The following PCDHA12 variants were observed in gnomAD, a reference collection of about 807,000 sequenced individuals.
PCDHA12 encodes protocadherin alpha-12.
In PCDHA12, 44 loss-of-function variants were observed where a neutral mutation model predicts 60.0. That is an observed-to-expected ratio of 0.73 (90% CI 0.58 to 0.94). The LOEUF (loss-of-function observed/expected upper bound fraction) is 0.94. Among genes scored for constraint, PCDHA12 ranks in the 40% least tolerant of loss-of-function variants. PCDHA12 has a pLI of 0.00. For missense variants in PCDHA12, 1,276 were observed against 1,239.7 expected (o/e 1.03, Z -0.44); for synonymous variants, 569 against 553.0 (o/e 1.03, Z -0.40).
At chr5:140,968,317 A>T (rs144335538) in intron 1 of PCDHA12, 17,308 of 1,614,002 alleles carry the variant, frequency 0.011, 130 homozygotes, top group Non-Finnish European at 0.013. Flanking sequence ...AAGGGCTGCC[A>T]GTCACCTCCT....
In PCDHA12 at chr5:140,928,627, T is replaced by G. The variant is rs782634688; in HGVS notation, c.2368-50322T>G. The G allele has an allele frequency of 1.5e-5, 24 of 1,614,220 alleles. No homozygotes were observed. The highest frequency in any genetic ancestry group is 1.9e-5 in the Non-Finnish European group (23 of 1,180,026). On this transcript the variant is annotated intron_variant, in intron 1 of 3. Transcript: ENST00000398631. ...GCCCCGCTCTGCCAGGACTGGACAC[T>G]TGGTCACAAAAGTGGTAGCAGAGGA...
chr5:140,938,560 C>T (rs2092118397), intron 1 of PCDHA12, among the ~76,000 whole-genome samples: 1 of 143,272 alleles, frequency 7.0e-6, no homozygotes, highest in Non-Finnish European at 1.5e-5. Flanking sequence ...TTATTAATAG[C>T]ATGCATTATA....
intron 1 of PCDHA12, among the ~76,000 whole-genome samples, chr5:140,940,491 C>A (rs1554213409): frequency 6.6e-6 from 1 of 151,752 alleles, no homozygotes; most frequent in Admixed American, 6.6e-5. Context: ...CAAGACAAGT[C>A]TTGCTCCGTC....
chr5:140,947,754 G>A (rs1295200380), intron 1 of PCDHA12, among the ~76,000 whole-genome samples: 2 of 151,334 alleles, frequency 1.3e-5, no homozygotes, highest in African/African-American at 2.4e-5. Flanking sequence ...TGTATTTTAT[G>A]GTTTAAAAAA....
chr5:140,891,426 C>A lies in PCDHA12; in HGVS notation c.2367+13587C>A, dbSNP rs76102230. On this transcript the variant is annotated intron_variant, in intron 1 of 3. Transcript: ENST00000398631. ...CCACCCCCCACTCTTGCCCCCAAGTCCCCAACGTCCATTGTATAGGATTTT... is the reference window on the plus strand; with the variant it reads ...CCACCCCCCACTCTTGCCCCCAAGTACCCAACGTCCATTGTATAGGATTTT... Among the ~76,000 whole-genome samples, 774 of 148,652 alleles carry A rather than the reference C, an allele frequency of 5.2e-3. 4 individuals are homozygous for A. Among genetic ancestry groups the A allele is most frequent in the African/African-American group, 0.018 (747 of 40,514 alleles).
At chr5:140,988,093 G>C (rs17119334) in intron 3 of PCDHA12, among the ~76,000 whole-genome samples, 1 of 152,036 alleles carries the variant, frequency 6.6e-6, no homozygotes, top group Non-Finnish European at 1.5e-5. Flanking sequence ...GTGCAGCCTC[G>C]GGCCTTGTTG....
At position 141,011,699 on chromosome 5, in the gene PCDHA12, A is replaced by G. The variant is rs537913184; in HGVS notation, c.*1762A>G. 6.5e-6 allele frequency: 1 copy of G among 153,890 alleles called. No homozygotes were observed. Among genetic ancestry groups the G allele is most frequent in the African/African-American group, 2.4e-5 (1 of 41,578 alleles). 9.5% of individuals were successfully genotyped at this position (153,890 alleles called of 1,614,324 possible). A position where few individuals can be genotyped will look rare whatever the true frequency, so the allele number is the denominator to read the frequency against. ...TTGTTCTAGTAACAATTTTGGAATG[A>G]ATACTGACAATATTCCATGAGGGTG... On this transcript the variant is annotated 3_prime_UTR_variant, in exon 4 of 4. Coordinates refer to ENST00000398631, the MANE Select transcript of PCDHA12 (RefSeq NM_018903.4).
intron 1 of PCDHA12, among the ~76,000 whole-genome samples, chr5:140,898,910 C>G (rs1313149642): frequency 6.6e-6 from 1 of 152,040 alleles, no homozygotes; most frequent in African/African-American, 2.4e-5. Context: ...CTTCACGTCC[C>G]TTGTAAGTTG....
chr5:140,929,071 T>C, intron 1 of PCDHA12: 1 of 1,614,122 alleles, frequency 6.2e-7, no homozygotes, highest in South Asian at 1.1e-5. Flanking sequence ...GGATCTGAGG[T>C]ATGGAAGTAA....
intron 1 of PCDHA12, among the ~76,000 whole-genome samples, chr5:140,958,384 C>G (rs1352428582): frequency 6.6e-6 from 1 of 152,098 alleles, no homozygotes; most frequent in Non-Finnish European, 1.5e-5. Context: ...ATTTTCTTAA[C>G]AGGTCATCAA....
intron 1 of PCDHA12, chr5:140,968,978 G>A: frequency 1.9e-6 from 3 of 1,614,212 alleles, no homozygotes; most frequent in Non-Finnish European, 1.7e-6. Flanking sequence ...CACTGCGTAT[G>A]GCACTGCATG....
At chr5:141,006,412 A>G (rs1423476125) in intron 3 of PCDHA12, among the ~76,000 whole-genome samples, 7 of 151,898 alleles carry the variant, frequency 4.6e-5, no homozygotes, top group African/African-American at 1.7e-4. Flanking sequence ...ACGCGGTTTC[A>G]CTGTGTTAGC....
intron 1 of PCDHA12, among the ~76,000 whole-genome samples, chr5:140,959,626 AAG>A (rs529579902): frequency 6.2e-4 from 95 of 152,334 alleles, no homozygotes; most frequent in African/African-American, 2.0e-3. Context: ...GATAGAAAAA[AAG>A]AGAGAAAAAA....
chr5:140,916,142 T>C (rs868910993), intron 1 of PCDHA12, among the ~76,000 whole-genome samples: 2 of 151,944 alleles, frequency 1.3e-5, no homozygotes, highest in African/African-American at 4.8e-5. Context: ...GGCTGTTCAG[T>C]TGTGTTGTGG....
At chr5:140,967,731 G>T in intron 1 of PCDHA12, 1 of 1,614,164 alleles carries the variant, frequency 6.2e-7, no homozygotes, top group African/African-American at 1.3e-5. Context: ...GTAATTGGGG[G>T]GCTGGATTAT....
At chr5:140,975,475 A>G (rs546732390) in intron 1 of PCDHA12, among the ~76,000 whole-genome samples, 5 of 152,368 alleles carry the variant, frequency 3.3e-5, no homozygotes, top group African/African-American at 1.2e-4. Flanking sequence ...TCTGCCTATC[A>G]GTTTATATCA....
intron 1 of PCDHA12, among the ~76,000 whole-genome samples, chr5:140,901,408 T>A (rs2068650771): frequency 6.6e-6 from 1 of 152,190 alleles, no homozygotes; most frequent in African/African-American, 2.4e-5. Flanking sequence ...GAGATAGGGG[T>A]CTAGTTTCAT....
Position 140,881,767 on chromosome 5 carries a change from C to T in PCDHA12, c.2367+3928C>T, listed in dbSNP as rs923432967. Among the ~76,000 whole-genome samples, 13 of 152,322 alleles carry T rather than the reference C, an allele frequency of 8.5e-5. No homozygotes were observed. In the East Asian group the frequency reaches 2.1e-3, roughly 25 times the overall value. On this transcript the variant is annotated intron_variant, in intron 1 of 3. Coordinates refer to ENST00000398631, the MANE Select transcript of PCDHA12 (RefSeq NM_018903.4). ...GACAGTACCACAAAAACCTACATGA[C>T]TATGCAGAACTACCGATCAATTGTC...
chr5:140,910,346 G>C (rs2074987326), intron 1 of PCDHA12, among the ~76,000 whole-genome samples: 1 of 152,152 alleles, frequency 6.6e-6, no homozygotes, highest in Admixed American at 6.5e-5. Flanking sequence ...CTTTGCCTCT[G>C]CTGTCCATTA....
Sources: gnomAD v4.1 joint callset for allele counts (sites outside exome capture counted in the v4.1 genomes callset) on GRCh38, gnomAD v4.1.1 for gene constraint, MANE v1.5 for transcripts, NCBI Gene and HGNC (gene_info 2026-07-23, HGNC 2026-07-21) for gene names.